SMTNL2: variants seen among roughly 807,000 people sequenced by gnomAD.
SMTNL2 encodes smoothelin-like protein 2.
SMTNL2 carries 43 observed loss-of-function variants against 44.1 expected under a neutral mutation model. The observed-to-expected ratio is 0.98, with a 90% CI of 0.76 to 1.26. SMTNL2 has a LOEUF of 1.26. SMTNL2 is among the 50% of genes most tolerant of loss of function. The pLI is 0.00. For synonymous variants in SMTNL2, 317 were observed against 287.6 expected, an observed-to-expected ratio of 1.10 and a Z score of -1.03; for missense variants, 646 against 670.2, an observed-to-expected ratio of 0.96 and a Z score of 0.40.
At chr17:4,604,123 G>A (rs1030373161) in intron 7 of SMTNL2, among the ~76,000 whole-genome samples, 2 of 152,158 alleles carry the variant, frequency 1.3e-5, no homozygotes, top group African/African-American at 4.8e-5. Flanking sequence ...GGGATGACAG[G>A]CATGAGCCAC....
chr17:4,584,778 G>A lies in SMTNL2; in HGVS notation c.173G>A (p.Arg58His), dbSNP rs1478793057. The A allele has an allele frequency of 3.1e-6, 4 of 1,307,358 alleles. No homozygotes were observed. The highest frequency in any genetic ancestry group is 3.9e-6 in the Non-Finnish European group (4 of 1,031,408). 81.0% of individuals were successfully genotyped at this position (1,307,358 alleles called of 1,614,324 possible). ...EAMRLAGPLA[R>H]TVADLQRDNQ... is the part of the protein sequence containing the mutation. The stretch of plus-strand genomic sequence containing the variant: ...ATGCGCCTGGCCGGCCCCCTGGCGC[G>A]CACGGTGGCCGACCTGCAGCGGGAC... Residue 58 changes from arginine (R) to histidine (H), a missense_variant, in exon 1 of 8, where the codon CGC (arginine) becomes CAC (histidine). Coordinates refer to ENST00000389313, the MANE Select transcript of SMTNL2 (RefSeq NM_001114974.2).
rs1441041866 is a variant in SMTNL2, at chr17:4,593,084, G to T, written c.643G>T (p.Ala215Ser). Residue 215 changes from alanine (A) to serine (S), a missense_variant, in exon 3 of 8, where the codon GCT (alanine) becomes TCT (serine). Transcript: ENST00000389313. ...GTTCTCTGGGGAGACCTCAGCTGCG[G>T]CTCTATCACCCATGTCTGCTGCCAC... ...DRFSGETSAA[A>S]LSPMSAATLG... 2 of 1,613,870 alleles carry T rather than the reference G, an allele frequency of 1.2e-6. No individual in the cohort carries two copies. The highest frequency in any genetic ancestry group is 2.7e-5 in the African/African-American group (2 of 74,942).
rs183263792 is a variant in SMTNL2, at chr17:4,594,477, A to G, written c.806+580A>G. ...AAAATAAATAAATAAATAAATAAAT[A>G]AATGAATAAAAAACAAAAAAATATT... On this transcript the variant is annotated intron_variant, in intron 4 of 7. Transcript: ENST00000389313. Among the ~76,000 whole-genome samples the G allele has an allele frequency of 1.8e-3, 276 of 151,892 alleles. 1 individual carries two copies. The highest frequency in any genetic ancestry group is 0.01 in the Middle Eastern group (3 of 292).
rs1257272666 is a variant in SMTNL2 at position 4,592,507 on chromosome 17, G to A, written c.487+59G>A. 1.3e-6 allele frequency: 2 copies of A among 1,518,468 alleles called. No homozygotes were observed. The highest frequency in any genetic ancestry group is 1.8e-6 in the Non-Finnish European group (2 of 1,113,208). The allele number at this position is 1,518,468 out of a possible 1,614,324, so 94.1% of individuals were successfully genotyped here. A position where few individuals can be genotyped will look rare whatever the true frequency, so the allele number is the denominator to read the frequency against. On this transcript the variant is annotated intron_variant, in intron 2 of 7. Coordinates refer to ENST00000389313, the MANE Select transcript of SMTNL2 (RefSeq NM_001114974.2). This position sits in a 1 kb window ranked among gnomAD's most constrained non-coding sequence, Gnocchi z 4.5. ...AGGTTTGGGGGTTAAGTAAGGCCTT[G>A]GTCAGGTATCTGTGCCAGGCTGGCC...
chr17:4,601,689 A>AT (rs5818969), intron 7 of SMTNL2, among the ~76,000 whole-genome samples: 108 of 144,782 alleles, frequency 7.5e-4, no homozygotes, highest in East Asian at 2.4e-3. Context: ...ACACTTGGCT[A>AT]TTTTTTTTTT....
chr17:4,592,995 C>G lies in SMTNL2; in HGVS notation c.554C>G (p.Pro185Arg). 1 of 1,614,060 alleles carries G rather than the reference C, an allele frequency of 6.2e-7. No homozygotes were observed. Among genetic ancestry groups the G allele is most frequent in the Non-Finnish European group, 8.5e-7 (1 of 1,179,998 alleles). ...GCACCAGATCCCCCCAGGCCTCGTC[C>G]TGTGAGCCTCTCCTTGCGGCTGCCC... ...FSAPDPPRPRPVSLSLRLPHQ... is the reference protein window; with the variant it reads ...FSAPDPPRPRRVSLSLRLPHQ... The change falls in exon 3 of 8, where the codon CCT becomes CGT. Residue 185 changes from proline (P) to arginine (R), a missense_variant. Coordinates refer to ENST00000389313, the MANE Select transcript of SMTNL2 (RefSeq NM_001114974.2). The surrounding 1 kb of genome is among the most constrained non-coding windows in gnomAD (Gnocchi z 4.5).
In SMTNL2 at chr17:4,600,488, G is replaced by A. The variant is rs146214877; in HGVS notation, c.1259+3165G>A. Among the ~76,000 whole-genome samples the A allele has an allele frequency of 5.0e-3, 757 of 152,268 alleles. 10 individuals carry two copies. The highest frequency in any genetic ancestry group is 0.01 in the Middle Eastern group (3 of 294). On this transcript the variant is annotated intron_variant, in intron 7 of 7. Transcript: ENST00000389313. The surrounding 1 kb of genome is among the most constrained non-coding windows in gnomAD (Gnocchi z 4.7). ...TGCGTGAGGAATGAAGCATTTCCCC[G>A]AGCAAGTGCCTTAAAGGCACAAGGA...
At chr17:4,588,508 G>A (rs868166581) in intron 1 of SMTNL2, among the ~76,000 whole-genome samples, 1 of 152,156 alleles carries the variant, frequency 6.6e-6, no homozygotes, top group Admixed American at 6.5e-5. Context: ...CCAGCATACC[G>A]AGGCCCCTCC....
rs147257177 is a variant in SMTNL2 at position 4,593,959 on chromosome 17, C to T, written c.806+62C>T. The T allele has an allele frequency of 2.8e-3, 4,495 of 1,583,812 alleles. 37 individuals are homozygous for T. Among genetic ancestry groups the T allele is most frequent in the Middle Eastern group, 0.02 (117 of 5,878 alleles). ...CCCCAGGTGTCTTCTCTGCTTTGGA[C>T]GCAGGCCGCCCAGGGTTGGCCCTGG... is the stretch of plus-strand genomic sequence containing the variant. On this transcript the variant is annotated intron_variant, in intron 4 of 7. Coordinates refer to ENST00000389313, the MANE Select transcript of SMTNL2 (RefSeq NM_001114974.2).
chr17:4,605,676 G>A (rs1910240682), intron 7 of SMTNL2, among the ~76,000 whole-genome samples: 1 of 151,790 alleles, frequency 6.6e-6, no homozygotes, highest in South Asian at 2.1e-4. Flanking sequence ...TTATTGATGG[G>A]AAAAAAAATA....
Position 4,592,879 on chromosome 17 carries a change from C to A in SMTNL2, c.488-50C>A, listed in dbSNP as rs375877542. On this transcript the variant is annotated intron_variant, in intron 2 of 7. Coordinates refer to ENST00000389313, the MANE Select transcript of SMTNL2 (RefSeq NM_001114974.2). The surrounding 1 kb of genome is among the most constrained non-coding windows in gnomAD (Gnocchi z 4.5). ...GAGCCCTCCTGGGAGGTCCCAGGCCCCTGTGGCTGCCACAGCTGACCACCC... is the reference window on the plus strand; with the variant it reads ...GAGCCCTCCTGGGAGGTCCCAGGCCACTGTGGCTGCCACAGCTGACCACCC... The A allele has an allele frequency of 3.1e-5, 49 of 1,575,150 alleles. No homozygotes were observed. In the South Asian group the frequency reaches 3.7e-4, roughly 12 times the overall value.
In SMTNL2 at chr17:4,592,800, G is replaced by A; in HGVS notation, c.488-129G>A. The A allele has an allele frequency of 7.8e-7, 1 of 1,283,222 alleles. No homozygotes were observed. Among genetic ancestry groups the A allele is most frequent in the Non-Finnish European group, 1.1e-6 (1 of 939,308 alleles). The allele number at this position is 1,283,222 out of a possible 1,614,324, so 79.5% of individuals were successfully genotyped here. On this transcript the variant is annotated intron_variant, in intron 2 of 7. Transcript: ENST00000389313. The surrounding 1 kb of genome is among the most constrained non-coding windows in gnomAD (Gnocchi z 4.5). ...CTGGTAGGGGAGGTCAGAGAGGCTG[G>A]AGCAGTCAGGGAGGCCTTCCTAGAG... is the stretch of plus-strand genomic sequence containing the variant.
intron 7 of SMTNL2, among the ~76,000 whole-genome samples, chr17:4,606,905 T>G (rs889848456): frequency 1.3e-5 from 2 of 152,062 alleles, no homozygotes; most frequent in Non-Finnish European, 2.9e-5. Context: ...AGCAAAACTC[T>G]GTCTCAAAAA....
intron 1 of SMTNL2, among the ~76,000 whole-genome samples, chr17:4,586,510 CAAAGAGAGAG>C (rs1350451559): frequency 0.012 from 415 of 34,230 alleles, 3 homozygotes; most frequent in African/African-American, 0.032. Flanking sequence ...TGTGTACACA[CAAAGAGAGAG>C]AGAGAGAGAG....
intron 1 of SMTNL2, among the ~76,000 whole-genome samples, chr17:4,585,389 C>G (rs1025084985): frequency 1.3e-5 from 2 of 152,246 alleles, no homozygotes; most frequent in Non-Finnish European, 2.9e-5. Context: ...TGACCCCCAC[C>G]CTCCATTCAC....
Position 4,595,990 on chromosome 17 carries a change from C to G in SMTNL2, c.989+663C>G, listed in dbSNP as rs1471693560. On this transcript the variant is annotated intron_variant, in intron 5 of 7. Transcript: ENST00000389313. The surrounding 1 kb of genome is among the most constrained non-coding windows in gnomAD (Gnocchi z 5.1). ...TCTGCTGTGTGCAGGGTGTGGCCCACGCGTGGTATTGATGCCTGCTGTGTG... is the reference window on the plus strand; with the variant it reads ...TCTGCTGTGTGCAGGGTGTGGCCCAGGCGTGGTATTGATGCCTGCTGTGTG... Among the ~76,000 whole-genome samples, 24 of 82,978 alleles carry G rather than the reference C, an allele frequency of 2.9e-4. No individual in the cohort carries two copies. Among genetic ancestry groups the G allele is most frequent in the African/African-American group, 1.1e-3 (21 of 18,354 alleles). The allele number at this position is 82,978 out of a possible 152,430, so 54.4% of individuals were successfully genotyped here.
At position 4,592,353 on chromosome 17, in the gene SMTNL2, C is replaced by G; in HGVS notation, c.400-8C>G. On this transcript the variant is annotated splice_polypyrimidine_tract_variant and splice_region_variant and intron_variant, in intron 1 of 7. Coordinates refer to ENST00000389313, the MANE Select transcript of SMTNL2 (RefSeq NM_001114974.2). The surrounding 1 kb of genome is among the most constrained non-coding windows in gnomAD (Gnocchi z 4.5). ...GATGGGGTCTCGGTGACATTTGTGT[C>G]TCTGTAGAGTTTGGATCACGATGAG... is the stretch of plus-strand genomic sequence containing the variant. The G allele has an allele frequency of 6.2e-7, 1 of 1,613,282 alleles. No homozygotes were observed. Among genetic ancestry groups the G allele is most frequent in the East Asian group, 2.2e-5 (1 of 44,874 alleles).
At chr17:4,597,388 A>G in intron 7 of SMTNL2, 65 bp downstream of exon 7, 1 of 1,585,826 alleles carries the variant, frequency 6.3e-7, no homozygotes, top group Non-Finnish European at 8.6e-7. Flanking sequence ...CTTCTTCCCC[A>G]GGTGGGGCAT....
intron 1 of SMTNL2, among the ~76,000 whole-genome samples, chr17:4,586,970 T>A (rs1909368820): frequency 6.6e-6 from 1 of 152,000 alleles, no homozygotes; most frequent in Non-Finnish European, 1.5e-5. Flanking sequence ...GATTCATGGA[T>A]CTGGTGCTCC....
Sources: gnomAD v4.1 joint callset for allele counts (sites outside exome capture counted in the v4.1 genomes callset) on GRCh38, gnomAD v4.1.1 for gene constraint, Gnocchi (gnomAD v3.1) non-coding constraint, MANE v1.5 for transcripts, NCBI Gene and HGNC (gene_info 2026-07-23, HGNC 2026-07-21) for gene names.